Variants in ANKFN1 observed in about 807,000 individuals in gnomAD.
ANKFN1 encodes the protein ankyrin repeat and fibronectin type-III domain-containing protein 1.
ANKFN1 carries 74 observed loss-of-function variants against 108.7 expected under a neutral mutation model. That is an observed-to-expected ratio of 0.68 (90% CI 0.56 to 0.83). ANKFN1 has a LOEUF of 0.83. ANKFN1 is among the 40% of genes least tolerant of loss of function. The pLI, the probability that ANKFN1 is intolerant of heterozygous loss-of-function variation, is 0.00. For synonymous variants in ANKFN1, 547 were observed against 516.2 expected (o/e 1.06, Z -0.81); for missense variants, 1,505 against 1,382.3 (o/e 1.09, Z -1.41).
At chr17:56,137,849 T>C (rs1440223817) in intron 4 of ANKFN1, among the ~76,000 whole-genome samples, 1 of 152,228 alleles carries the variant, frequency 6.6e-6, no homozygotes, top group Admixed American at 6.5e-5. Context: ...ACTTTAACTC[T>C]ACATACATTT....
At chr17:56,483,852 G>A (rs1414121010) in intron 18 of ANKFN1, among the ~76,000 whole-genome samples, 1 of 152,156 alleles carries the variant, frequency 6.6e-6, no homozygotes, top group African/African-American at 2.4e-5. Flanking sequence ...GAGATTTAGA[G>A]GTGAGTAAGA....
intron 3 of ANKFN1, among the ~76,000 whole-genome samples, chr17:56,276,238 T>G (rs1338545771): frequency 6.6e-6 from 1 of 152,184 alleles, no homozygotes; most frequent in Non-Finnish European, 1.5e-5. Flanking sequence ...ATGTGCCACA[T>G]TTTCTTAATC....
chr17:56,148,166 A>G (rs1471545650), intron 4 of ANKFN1, among the ~76,000 whole-genome samples: 1 of 152,236 alleles, frequency 6.6e-6, no homozygotes, highest in East Asian at 1.9e-4. Context: ...GGTGCAGAGT[A>G]AAGTAGCAGT....
At position 56,327,395 on chromosome 17, in the gene ANKFN1, G is replaced by A. The variant is rs539351765; in HGVS notation, c.188+1040G>A. 7.9e-5 allele frequency among the ~76,000 whole-genome samples: 12 copies of A among 152,156 alleles called. No homozygotes were observed. The South Asian group carries it at 2.5e-3, about 32-fold the overall frequency. ...TTAATGTCTTTGGTGCACTCTATCT[G>A]CAGTATATCACTGGCTGTTCAGACA... On this transcript the variant is annotated intron_variant, in intron 4 of 20. Transcript: ENST00000682825.
intron 4 of ANKFN1, among the ~76,000 whole-genome samples, chr17:56,148,153 G>A (rs1407002412): frequency 6.6e-6 from 1 of 152,192 alleles, no homozygotes; most frequent in East Asian, 1.9e-4. Flanking sequence ...CATTTGATGA[G>A]AGGGTGCAGA....
In ANKFN1 at chr17:56,514,876, G is replaced by C. The variant is rs1043352792; in HGVS notation, c.*3607G>C. ...CTTGCCAGGAGATCATGCCAGAGAA[G>C]TGGAAAAGAGGACTGGACCCTCGTT... On this transcript the variant is annotated 3_prime_UTR_variant, in exon 21 of 21. Coordinates refer to ENST00000682825, the MANE Select transcript of ANKFN1 (RefSeq NM_001370326.1). Among the ~76,000 whole-genome samples, 11 of 152,144 alleles carry C rather than the reference G, an allele frequency of 7.2e-5. No individual in the cohort carries two copies. Among genetic ancestry groups the C allele is most frequent in the Non-Finnish European group, 1.3e-4 (9 of 68,026 alleles).
At chr17:56,155,153 G>C (rs570589549) in intron 1 of ANKFN1, among the ~76,000 whole-genome samples, 1 of 152,338 alleles carries the variant, frequency 6.6e-6, no homozygotes, top group South Asian at 2.1e-4. Context: ...AAGTGGCTCA[G>C]AGACTGGAAG....
chr17:56,346,667 C>T (rs751981756), intron 4 of ANKFN1, among the ~76,000 whole-genome samples: 7 of 151,858 alleles, frequency 4.6e-5, no homozygotes, highest in Non-Finnish European at 1.0e-4. Flanking sequence ...TGCTATGGTT[C>T]TCTTTGCTGT....
At chr17:56,310,494 G>A (rs1387894274) in intron 3 of ANKFN1, among the ~76,000 whole-genome samples, 3 of 152,066 alleles carry the variant, frequency 2.0e-5, no homozygotes, top group African/African-American at 7.2e-5. Context: ...GCAGGTGCCT[G>A]TAGTCCCAGC....
At chr17:56,391,648 G>T (rs1313199349) in intron 8 of ANKFN1, among the ~76,000 whole-genome samples, 1 of 151,914 alleles carries the variant, frequency 6.6e-6, no homozygotes, top group Non-Finnish European at 1.5e-5. Context: ...GGCTGGTCTT[G>T]AACTCCTGAC....
chr17:56,470,949 T>C (rs2050296677), intron 15 of ANKFN1, among the ~76,000 whole-genome samples: 1 of 152,180 alleles, frequency 6.6e-6, no homozygotes, highest in African/African-American at 2.4e-5. Context: ...CCGACCATTC[T>C]CTTCAGGGAT....
intron 6 of ANKFN1, among the ~76,000 whole-genome samples, chr17:56,369,975 T>C (rs959901884): frequency 1.3e-5 from 2 of 152,230 alleles, no homozygotes; most frequent in African/African-American, 4.8e-5. Context: ...TTCTTCTCCA[T>C]AATAGACCTA....
At chr17:56,389,133 C>T (rs1471543053) in intron 8 of ANKFN1, among the ~76,000 whole-genome samples, 2 of 151,978 alleles carry the variant, frequency 1.3e-5, no homozygotes, top group Non-Finnish European at 2.9e-5. Flanking sequence ...CAACTTTATA[C>T]CTAATAGCCA....
intron 1 of ANKFN1, among the ~76,000 whole-genome samples, chr17:56,188,899 C>A (rs1912566317): frequency 6.6e-6 from 1 of 151,826 alleles, no homozygotes; most frequent in African/African-American, 2.4e-5. Flanking sequence ...TTTTCAGTCC[C>A]ATTTCCCCAT....
chr17:56,191,603 C>T (rs1912931736), intron 1 of ANKFN1, among the ~76,000 whole-genome samples: 2 of 49,278 alleles, frequency 4.1e-5, no homozygotes, highest in Non-Finnish European at 6.6e-5. Flanking sequence ...TGATGGGCTT[C>T]CCTTTGAGGG....
rs941466031 is a variant in ANKFN1, at chr17:56,467,857, G to A, written c.1773+1286G>A. On this transcript the variant is annotated intron_variant, in intron 15 of 20. Transcript: ENST00000682825. The stretch of plus-strand genomic sequence containing the variant: ...AAGAAAGAAAGAAAGAAAGAAAAAG[G>A]GAAAGAAAGAAAGAACTAGAGCTCA... Among the ~76,000 whole-genome samples, 10 of 130,288 alleles carry A rather than the reference G, an allele frequency of 7.7e-5. 1 individual carries two copies. The highest frequency in any genetic ancestry group is 2.3e-4 in the East Asian group (1 of 4,264). 85.5% of individuals were successfully genotyped at this position (130,288 alleles called of 152,430 possible). A position where few individuals can be genotyped will look rare whatever the true frequency, so the allele number is the denominator to read the frequency against.
chr17:56,213,116 G>C (rs1162632818), intron 2 of ANKFN1, among the ~76,000 whole-genome samples: 1 of 152,166 alleles, frequency 6.6e-6, no homozygotes, highest in Non-Finnish European at 1.5e-5. Flanking sequence ...TTGATAGCCA[G>C]GGAGTATCCA....
chr17:56,395,415 C>T (rs1232945610), intron 8 of ANKFN1, among the ~76,000 whole-genome samples: 2 of 152,130 alleles, frequency 1.3e-5, no homozygotes, highest in East Asian at 1.9e-4. Context: ...GGCAAGGGGC[C>T]CTGGGTGATG....
At position 56,090,382 on chromosome 17, in the gene ANKFN1, G is replaced by T. The variant is rs190089339; in HGVS notation, c.288+44057G>T. Among the ~76,000 whole-genome samples the T allele has an allele frequency of 2.9e-4, 44 of 151,318 alleles. No individual in the cohort carries two copies. The East Asian group carries it at 3.1e-3, about 11-fold the overall frequency. ...ACTTCTAACCCACCATATTCAATTT[G>T]CTTCCGTACTGACTTATCCTAATGA... On this transcript the variant is annotated intron_variant, in intron 4 of 12. Transcript: ENST00000635860.
Sources: gnomAD v4.1 joint callset for allele counts (sites outside exome capture counted in the v4.1 genomes callset) on GRCh38, gnomAD v4.1.1 for gene constraint, MANE v1.5 for transcripts, NCBI Gene and HGNC (gene_info 2026-07-23, HGNC 2026-07-21) for gene names.